Variants in ALDH4A1 observed in about 807,000 individuals in gnomAD.
ALDH4A1 encodes aldehyde dehydrogenase 4 family member A1.
In ALDH4A1, 46 loss-of-function variants were observed where a neutral mutation model predicts 70.5. That is an observed-to-expected ratio of 0.65 (90% CI 0.51 to 0.83). The LOEUF (loss-of-function observed/expected upper bound fraction) is 0.83, where lower values mean the gene tolerates loss of function less well. Among genes scored for constraint, ALDH4A1 ranks in the 40% least tolerant of loss-of-function variants. ALDH4A1 has a pLI of 0.00. For missense variants in ALDH4A1, 749 were observed against 766.5 expected, an observed-to-expected ratio of 0.98 and a Z score of 0.27; for synonymous variants, 323 against 324.3, an observed-to-expected ratio of 1.00 and a Z score of 0.04.
rs1209486534 is a variant in ALDH4A1 at position 18,890,194 on chromosome 1, C to T, written c.63-89G>A. The T allele has an allele frequency of 4.5e-6, 5 of 1,106,874 alleles. No individual in the cohort carries two copies. In the South Asian group the frequency reaches 6.7e-5, roughly 15 times the overall value. 68.6% of individuals were successfully genotyped at this position (1,106,874 alleles called of 1,614,324 possible). ...GCCCCTCTACCTCCGACAGGGGGTC[C>T]TAGGTGGGCACCCAGAGCCTGAAAT... On this transcript the variant is annotated intron_variant, in intron 1 of 14. Transcript: ENST00000375341.
At position 18,898,850 on chromosome 1, in the gene ALDH4A1, C is replaced by T. The variant is rs1050915857; in HGVS notation, c.62+3612G>A. Among the ~76,000 whole-genome samples, 2 of 152,244 alleles carry T rather than the reference C, an allele frequency of 1.3e-5. No individual in the cohort carries two copies. Among genetic ancestry groups the T allele is most frequent in the Non-Finnish European group, 2.9e-5 (2 of 68,046 alleles). ...TGCTCCCAGGGGTGCCACTGCCAAG[C>T]ACTGCCTCAATGGCGCTTTCACTAC... On this transcript the variant is annotated intron_variant, in intron 1 of 14. Coordinates refer to ENST00000375341, the MANE Select transcript of ALDH4A1 (RefSeq NM_003748.4). This position sits in a 1 kb window ranked among gnomAD's most constrained non-coding sequence, Gnocchi z 4.3.
chr1:18,902,317 G>A, intron 1 of ALDH4A1, 145 bp downstream of exon 1: 1 of 566,698 alleles, frequency 1.8e-6, no homozygotes, highest in African/African-American at 2.0e-5. Flanking sequence ...GGGGTCGGAG[G>A]GGAGCCCCTG....
At position 18,890,036 on chromosome 1, in the gene ALDH4A1, G is replaced by A; in HGVS notation, c.132C>T (p.Ser44=). 3.7e-6 allele frequency: 6 copies of A among 1,612,154 alleles called. No individual in the cohort carries two copies. The highest frequency in any genetic ancestry group is 5.1e-6 in the Non-Finnish European group (6 of 1,179,398). The change falls in exon 2 of 15, where the codon AGC becomes AGT. Residue 44 remains serine, a synonymous_variant. Coordinates refer to ENST00000375341, the MANE Select transcript of ALDH4A1 (RefSeq NM_003748.4). ...NEPVLAFTQG[S]PERDALQKAL... ...CCTTTTGCAGGGCATCTCGCTCAGG[G>A]CTGCCCTGCGTGAAGGCTAAGACGG...
Position 18,885,574 on chromosome 1 carries a change from G to A in ALDH4A1, c.352C>T (p.Leu118=), listed in dbSNP as rs1380666097. 1 of 1,613,758 alleles carries A rather than the reference G, an allele frequency of 6.2e-7. No individual in the cohort carries two copies. Among genetic ancestry groups the A allele is most frequent in the Non-Finnish European group, 8.5e-7 (1 of 1,179,950 alleles). ...AALAARKEWD[L]KPIADRAQIF... The stretch of plus-strand genomic sequence containing the variant: ...TGGGCCCGGTCTGCAATAGGCTTCA[G>A]GTCCCACTCTTTCCGGGCAGCCAGG... Residue 118 remains leucine (L), a synonymous_variant, in exon 5 of 15, where the codon CTG becomes TTG. Transcript: ENST00000375341.
At chr1:18,876,770 A>T (rs1173572259) in intron 11 of ALDH4A1, among the ~76,000 whole-genome samples, 17 of 151,984 alleles carry the variant, frequency 1.1e-4, no homozygotes, top group Non-Finnish European at 2.9e-5. Context: ...AGGCATATGC[A>T]TGGTCACATG....
intron 1 of ALDH4A1, among the ~76,000 whole-genome samples, chr1:18,901,328 C>T (rs1935791553): frequency 6.6e-6 from 1 of 152,218 alleles, no homozygotes; most frequent in Admixed American, 6.5e-5. Flanking sequence ...ACCACCATGC[C>T]ATCCCTTGGG....
At chr1:18,882,086 C>A (rs1934999224) in intron 7 of ALDH4A1, among the ~76,000 whole-genome samples, 199 bp from the exon 8 acceptor site, 1 of 152,240 alleles carries the variant, frequency 6.6e-6, no homozygotes, top group Non-Finnish European at 1.5e-5. Context: ...GGCCACGGCA[C>A]AGCCCAATCT....
chr1:18,897,478 G>A (rs952050453), intron 1 of ALDH4A1, among the ~76,000 whole-genome samples: 2 of 152,232 alleles, frequency 1.3e-5, no homozygotes, highest in Non-Finnish European at 2.9e-5. Flanking sequence ...AGGAGGTGAA[G>A]GTTGCAGTGA....
intron 13 of ALDH4A1, 50 bp downstream of exon 13, chr1:18,875,332 C>G: frequency 5.0e-6 from 8 of 1,613,278 alleles, no homozygotes; most frequent in Non-Finnish European, 6.8e-6. Flanking sequence ...GATGGGGACA[C>G]GGACAGGACA....
At chr1:18,889,083 CT>C (rs1306374502) in intron 3 of ALDH4A1, among the ~76,000 whole-genome samples, 1 of 152,234 alleles carries the variant, frequency 6.6e-6, no homozygotes, top group Admixed American at 6.5e-5. Context: ...CCCAAACCCC[CT>C]TGGCAAGAAA....
At chr1:18,881,428 T>C (rs1295602451) in intron 8 of ALDH4A1, among the ~76,000 whole-genome samples, 2 of 151,952 alleles carry the variant, frequency 1.3e-5, no homozygotes, top group African/African-American at 4.8e-5. Flanking sequence ...CCCACAGCTG[T>C]AGGGTGCACT....
intron 1 of ALDH4A1, chr1:18,890,740 T>C: frequency 2.0e-6 from 2 of 985,556 alleles, no homozygotes; most frequent in Non-Finnish European, 2.4e-6. Context: ...CACGTTGAAG[T>C]ATTTTCCACA....
At chr1:18,883,050 G>A in intron 7 of ALDH4A1, 74 bp downstream of exon 7, 1 of 1,594,754 alleles carries the variant, frequency 6.3e-7, no homozygotes, top group Non-Finnish European at 8.6e-7. Context: ...AAGGGGCTCA[G>A]GGTGGCCTCT....
At chr1:18,899,922 C>A (rs1224131274) in intron 1 of ALDH4A1, among the ~76,000 whole-genome samples, 2 of 152,072 alleles carry the variant, frequency 1.3e-5, no homozygotes, top group Non-Finnish European at 2.9e-5. Flanking sequence ...GGCCTGGGAA[C>A]ATACTGTAAG....
Position 18,884,304 on chromosome 1 carries a change from T to G in ALDH4A1, c.454-876A>C, listed in dbSNP as rs545414092. ...CAGGCTGAGGGGCTGTCATACCAGC[T>G]CTGTGCAGCAGAGGGGGCGCTCACC... is the stretch of plus-strand genomic sequence containing the variant. On this transcript the variant is annotated intron_variant, in intron 5 of 14. Coordinates refer to ENST00000375341, the MANE Select transcript of ALDH4A1 (RefSeq NM_003748.4). 3.3e-5 allele frequency among the ~76,000 whole-genome samples: 5 copies of G among 152,270 alleles called. No homozygotes were observed. The East Asian group carries it at 7.7e-4, about 24-fold the overall frequency.
At chr1:18,877,686 C>G in intron 9 of ALDH4A1, 74 bp from the exon 10 acceptor site, 1 of 1,533,258 alleles carries the variant, frequency 6.5e-7, no homozygotes. Flanking sequence ...AAAACACCAC[C>G]TACGCCATCC....
chr1:18,894,145 A>G (rs1265446637), intron 1 of ALDH4A1, among the ~76,000 whole-genome samples: 1 of 152,244 alleles, frequency 6.6e-6, no homozygotes, highest in Non-Finnish European at 1.5e-5. Flanking sequence ...TTTCAGAGAC[A>G]AATGGGCTCC....
intron 12 of ALDH4A1, 139 bp from the exon 13 acceptor site, chr1:18,875,642 C>A (rs1051812119): frequency 2.2e-6 from 3 of 1,352,336 alleles, no homozygotes; most frequent in African/African-American, 2.9e-5. Context: ...CAAGAAGGGT[C>A]AGGTGTCGCC....
chr1:18,872,736 G>T lies in ALDH4A1; in HGVS notation c.*109C>A. ...AGAAGGGAGTCAAGCCCGGATTATA[G>T]AAAGGCAGCTGTGCATGAAGAAGGG... On this transcript the variant is annotated 3_prime_UTR_variant, in exon 15 of 15. Coordinates refer to ENST00000375341, the MANE Select transcript of ALDH4A1 (RefSeq NM_003748.4). The T allele has an allele frequency of 1.2e-6, 1 of 806,542 alleles. No individual in the cohort carries two copies. The highest frequency in any genetic ancestry group is 2.1e-6 in the Non-Finnish European group (1 of 483,574). The allele number at this position is 806,542 out of a possible 1,614,324, so 50.0% of individuals were successfully genotyped here. A position where few individuals can be genotyped will look rare whatever the true frequency, so the allele number is the denominator to read the frequency against.
Sources: allele counts gnomAD v4.1 joint callset (sites outside exome capture counted in the v4.1 genomes callset), GRCh38; gene constraint gnomAD v4.1.1; non-coding constraint Gnocchi (gnomAD v3.1); transcripts MANE v1.5; gene names NCBI Gene and HGNC (gene_info 2026-07-23, HGNC 2026-07-21).